PPFIBP1: variants seen among roughly 807,000 people sequenced by gnomAD.
PPFIBP1 encodes the protein PPFIB scaffold protein 1.
PPFIBP1 carries 112 observed loss-of-function variants against 137.8 expected under a neutral mutation model. The observed-to-expected ratio is 0.81, with a 90% CI of 0.70 to 0.95. The LOEUF (loss-of-function observed/expected upper bound fraction) is 0.95, where lower values mean the gene tolerates loss of function less well. PPFIBP1 is among the 40% of genes least tolerant of loss of function. The probability of loss-of-function intolerance (pLI) is 0.00; values close to 1 mark genes in which losing one functional copy is unlikely to be tolerated. For synonymous variants in PPFIBP1, 378 were observed against 417.3 expected, an observed-to-expected ratio of 0.91 and a Z score of 1.15; for missense variants, 1,083 against 1,196.6, an observed-to-expected ratio of 0.91 and a Z score of 1.40.
chr12:27,589,398 G>A (rs1469562011), intron 2 of PPFIBP1, among the ~76,000 whole-genome samples: 3 of 152,128 alleles, frequency 2.0e-5, no homozygotes, highest in Admixed American at 1.3e-4. Flanking sequence ...TTGCGCCTCG[G>A]CCTTCCAAAG....
intron 13 of PPFIBP1, among the ~76,000 whole-genome samples, chr12:27,668,313 G>A (rs1320864036): frequency 6.6e-6 from 1 of 152,114 alleles, no homozygotes; most frequent in African/African-American, 2.4e-5. Context: ...TGGATTTCAA[G>A]GACAGTTATC....
chr12:27,609,994 T>G (rs1397654650), intron 2 of PPFIBP1, among the ~76,000 whole-genome samples: 2 of 152,180 alleles, frequency 1.3e-5, no homozygotes, highest in African/African-American at 4.8e-5. Context: ...AGCGAGCCTG[T>G]GCAATTTAGA....
intron 2 of PPFIBP1, among the ~76,000 whole-genome samples, chr12:27,605,472 TG>T (rs1331508896): frequency 2.6e-5 from 4 of 152,076 alleles, no homozygotes; most frequent in Non-Finnish European, 5.9e-5. Flanking sequence ...GAGCCACAAG[TG>T]GGAACCATTA....
At chr12:27,639,153 T>C (rs1410069832) in intron 4 of PPFIBP1, among the ~76,000 whole-genome samples, 4 of 152,242 alleles carry the variant, frequency 2.6e-5, no homozygotes, top group African/African-American at 9.6e-5. Context: ...AATTTATTAG[T>C]GTAGCTCTAG....
rs555333395 is a variant in PPFIBP1, at chr12:27,593,664, A to G, written c.-36+15425A>G. 24 of 537,520 alleles carry G rather than the reference A, an allele frequency of 4.5e-5. No individual in the cohort carries two copies. The Middle Eastern group carries it at 1.5e-3, about 33-fold the overall frequency. The allele number at this position is 537,520 out of a possible 1,614,324, so 33.3% of individuals were successfully genotyped here. ...AAGATTATTCAGTTTGCTGACAGATAGTTTTGTCCTCTCTTTTGGGAACTT... is the reference window on the plus strand; with the variant it reads ...AAGATTATTCAGTTTGCTGACAGATGGTTTTGTCCTCTCTTTTGGGAACTT... On this transcript the variant is annotated intron_variant, in intron 2 of 29. Coordinates refer to ENST00000228425, the MANE Select transcript of PPFIBP1 (RefSeq NM_003622.4).
intron 13 of PPFIBP1, among the ~76,000 whole-genome samples, chr12:27,669,382 AC>A (rs2060044303): frequency 6.6e-6 from 1 of 152,228 alleles, no homozygotes; most frequent in Non-Finnish European, 1.5e-5. Context: ...TGCTGCAGTT[AC>A]AGAACTAGTG....
chr12:27,598,914 T>C (rs762701503), intron 2 of PPFIBP1, among the ~76,000 whole-genome samples: 5 of 152,194 alleles, frequency 3.3e-5, no homozygotes, highest in Non-Finnish European at 5.9e-5. Context: ...GCCTTTTCTC[T>C]TGAAGCAAGA....
chr12:27,671,616 G>T lies in PPFIBP1; in HGVS notation c.1262+70G>T, dbSNP rs539140791. The T allele has an allele frequency of 2.1e-4, 209 of 1,001,478 alleles. No homozygotes were observed. In the Admixed American group the frequency reaches 5.3e-3, roughly 25 times the overall value. 62.0% of individuals were successfully genotyped at this position (1,001,478 alleles called of 1,614,324 possible). The stretch of plus-strand genomic sequence containing the variant: ...GATCAGCCAAAGACAAGGATGTATT[G>T]CATTTATTTACAGACACAATTTTTA... On this transcript the variant is annotated intron_variant, in intron 14 of 29. Transcript: ENST00000228425.
intron 4 of PPFIBP1, among the ~76,000 whole-genome samples, chr12:27,640,196 T>A (rs558866582): frequency 2.0e-5 from 3 of 152,280 alleles, no homozygotes; most frequent in East Asian, 1.9e-4. Context: ...GTAAAAGATG[T>A]GCTTTTCATG....
At chr12:27,593,779 T>A in intron 2 of PPFIBP1, 1 of 823,904 alleles carries the variant, frequency 1.2e-6, no homozygotes, top group Non-Finnish European at 1.9e-6. Flanking sequence ...GCCAGGAAGA[T>A]GTTCAGTTTG....
At chr12:27,586,978 C>T (rs920532029) in intron 2 of PPFIBP1, among the ~76,000 whole-genome samples, 3 of 152,128 alleles carry the variant, frequency 2.0e-5, no homozygotes, top group Non-Finnish European at 4.4e-5. Flanking sequence ...AAATTTCAAA[C>T]GGCAGAGGAC....
chr12:27,684,104 C>A (rs1045628922), intron 24 of PPFIBP1, among the ~76,000 whole-genome samples: 1 of 140,886 alleles, frequency 7.1e-6, no homozygotes, highest in East Asian at 2.2e-4. Context: ...ACTTAAAATT[C>A]TTTTATTTAT....
chr12:27,622,777 G>T (rs1045921473), intron 2 of PPFIBP1, among the ~76,000 whole-genome samples: 1 of 152,178 alleles, frequency 6.6e-6, no homozygotes, highest in Admixed American at 6.5e-5. Context: ...ATGTGTGTGT[G>T]TATGTGTGTG....
intron 1 of PPFIBP1, among the ~76,000 whole-genome samples, chr12:27,556,331 T>C (rs1235323206): frequency 6.6e-6 from 1 of 152,214 alleles, no homozygotes; most frequent in East Asian, 1.9e-4. Flanking sequence ...CTTGAATCTT[T>C]AGCAAGGTTT....
chr12:27,659,568 G>A (rs1199521325), intron 10 of PPFIBP1, among the ~76,000 whole-genome samples: 4 of 151,814 alleles, frequency 2.6e-5, no homozygotes, highest in African/African-American at 9.7e-5. Flanking sequence ...GCTGCAGTGA[G>A]CTATGATCTT....
chr12:27,562,100 C>A (rs548983260), intron 1 of PPFIBP1, among the ~76,000 whole-genome samples: 1 of 152,194 alleles, frequency 6.6e-6, no homozygotes, highest in East Asian at 1.9e-4. Context: ...TCTGAGCTCT[C>A]TTTTTCCCAA....
intron 2 of PPFIBP1, chr12:27,593,863 C>T (rs2052845062): frequency 7.0e-7 from 1 of 1,437,096 alleles, no homozygotes; most frequent in African/African-American, 1.4e-5. Flanking sequence ...TCCCCCATGC[C>T]CCTTGGATGG....
Position 27,644,244 on chromosome 12 carries a change from G to GTTTTTTT in PPFIBP1, c.271-1799_271-1793dup, listed in dbSNP as rs3842650. ...GGCGCACACCACCAAGCTTGGCTAA[G>GTTTTTTT]TTTTTTTTTTTTTTTTTTTTTTTTT... On this transcript the variant is annotated intron_variant, in intron 4 of 29. Coordinates refer to ENST00000228425, the MANE Select transcript of PPFIBP1 (RefSeq NM_003622.4). Among the ~76,000 whole-genome samples, 567 of 117,650 alleles carry GTTTTTTT rather than the reference G, an allele frequency of 4.8e-3. 29 individuals carry two copies. The East Asian group carries it at 0.062, about 13-fold the overall frequency. 77.2% of individuals were successfully genotyped at this position (117,650 alleles called of 152,430 possible). A position where few individuals can be genotyped will look rare whatever the true frequency, so the allele number is the denominator to read the frequency against.
intron 17 of PPFIBP1, among the ~76,000 whole-genome samples, chr12:27,676,127 A>C (rs2060494476): frequency 6.6e-6 from 1 of 152,208 alleles, no homozygotes; most frequent in African/African-American, 2.4e-5. Context: ...TTGAGGAATG[A>C]GGCAAACAAA....
Sources: gnomAD v4.1 joint callset for allele counts (sites outside exome capture counted in the v4.1 genomes callset) on GRCh38, gnomAD v4.1.1 for gene constraint, MANE v1.5 for transcripts, NCBI Gene and HGNC (gene_info 2026-07-23, HGNC 2026-07-21) for gene names.